The following PCDHA10 variants were observed in gnomAD, a reference collection of about 807,000 sequenced individuals.
PCDHA10 encodes protocadherin alpha 10, also known as protocadherin alpha-10.
In PCDHA10, 45 loss-of-function variants were observed where a neutral mutation model predicts 61.2. The observed-to-expected ratio is 0.74, with a 90% confidence interval of 0.58 to 0.94. PCDHA10 has a LOEUF of 0.94. Ranked by LOEUF, PCDHA10 falls within the 40% of genes least tolerant of loss-of-function variation. The probability of loss-of-function intolerance (pLI) is 0.00; values close to 1 mark genes in which losing one functional copy is unlikely to be tolerated. For missense variants in PCDHA10, 1,278 were observed against 1,236.2 expected, an observed-to-expected ratio of 1.03 and a Z score of -0.51; for synonymous variants, 602 against 548.8, an observed-to-expected ratio of 1.10 and a Z score of -1.35.
intron 1 of PCDHA10, among the ~76,000 whole-genome samples, chr5:140,909,754 G>T (rs2074670000): frequency 6.6e-6 from 1 of 152,100 alleles, no homozygotes; most frequent in Non-Finnish European, 1.5e-5. Context: ...AATGACCACA[G>T]GATGAGTCCA....
chr5:140,910,858 T>C (rs947258615), intron 1 of PCDHA10, among the ~76,000 whole-genome samples: 3 of 152,190 alleles, frequency 2.0e-5, no homozygotes, highest in Non-Finnish European at 4.4e-5. Context: ...CTATGTTCCA[T>C]CCACCATTAT....
chr5:140,967,173 T>C, intron 1 of PCDHA10: 1 of 1,611,178 alleles, frequency 6.2e-7, no homozygotes, highest in Non-Finnish European at 8.5e-7. Context: ...GCCGTTGAGG[T>C]GGAAATATTG....
At chr5:140,895,103 T>C (rs1459301220) in intron 1 of PCDHA10, among the ~76,000 whole-genome samples, 3 of 152,204 alleles carry the variant, frequency 2.0e-5, no homozygotes, top group Non-Finnish European at 4.4e-5. Flanking sequence ...GGGTTTTTGC[T>C]ACAAGAAGAC....
At chr5:140,919,518 T>C (rs1027780107) in intron 1 of PCDHA10, among the ~76,000 whole-genome samples, 1 of 152,194 alleles carries the variant, frequency 6.6e-6, no homozygotes. Context: ...TATGTTTTAA[T>C]TCTCTTTTTT....
At position 140,857,365 on chromosome 5, in the gene PCDHA10, C is replaced by A. The variant is rs251362; in HGVS notation, c.1317C>A (p.Ser439Arg). The A allele has an allele frequency of 6.3e-7, 1 of 1,597,496 alleles. No homozygotes were observed. Among genetic ancestry groups the A allele is most frequent in the South Asian group, 1.1e-5 (1 of 90,502 alleles). The change falls in exon 1 of 4, where the codon AGC becomes AGA. Residue 439 changes from serine (S) to arginine (R), a missense_variant. Ser to Arg is a moderately radical substitution (Grantham distance 110). Transcript: ENST00000307360. ...CGCCTCCGCTGTGGGCCACGGCCAG[C>A]GTGTCTGTGGAGGTGGCCGACGTGA... ...GGSPPLWATA[S>R]VSVEVADVND...
intron 1 of PCDHA10, chr5:140,882,203 TGA>T: frequency 6.5e-7 from 1 of 1,530,090 alleles, no homozygotes; most frequent in Non-Finnish European, 8.8e-7. Flanking sequence ...AATTGGGCCT[TGA>T]GAGACAGTTT....
intron 1 of PCDHA10, among the ~76,000 whole-genome samples, chr5:140,918,702 G>A (rs2078814490): frequency 6.6e-6 from 1 of 152,150 alleles, no homozygotes; most frequent in Non-Finnish European, 1.5e-5. Flanking sequence ...ATTAAGTCAT[G>A]AGGGCAGAGC....
chr5:140,927,894 C>T (rs372774238), intron 1 of PCDHA10: 2 of 1,614,208 alleles, frequency 1.2e-6, no homozygotes, highest in South Asian at 2.2e-5. Context: ...CTGACGTGAA[C>T]GATCATGCCC....
intron 3 of PCDHA10, among the ~76,000 whole-genome samples, chr5:141,004,852 GA>G (rs1474938614): frequency 6.6e-6 from 1 of 152,202 alleles, no homozygotes; most frequent in African/African-American, 2.4e-5. Flanking sequence ...TAGTCTCAGA[GA>G]AAAAATTTGT....
intron 1 of PCDHA10, among the ~76,000 whole-genome samples, chr5:140,958,932 C>T (rs2095452700): frequency 8.5e-6 from 1 of 118,160 alleles, no homozygotes; most frequent in South Asian, 2.5e-4. Flanking sequence ...GTGGCTCATA[C>T]TTGTAATAAT....
At chr5:140,926,255 G>T (rs562420240) in intron 1 of PCDHA10, 1 of 152,224 alleles carries the variant, frequency 6.6e-6, no homozygotes, top group African/African-American at 2.4e-5. Flanking sequence ...TCACCGTCCC[G>T]CCTCTCGCCG....
intron 1 of PCDHA10, chr5:140,871,198 C>A: frequency 6.2e-7 from 1 of 1,613,730 alleles, no homozygotes; most frequent in Non-Finnish European, 8.5e-7. Flanking sequence ...CAACGTGTAC[C>A]TGATCATCGC....
rs560557725 is a variant in PCDHA10, at chr5:141,005,418, G to T, written c.2537-4209G>T. Among the ~76,000 whole-genome samples, 149 of 152,250 alleles carry T rather than the reference G, an allele frequency of 9.8e-4. 1 individual carries two copies. The highest frequency in any genetic ancestry group is 3.5e-3 in the African/African-American group (145 of 41,544). On this transcript the variant is annotated intron_variant, in intron 3 of 3. Transcript: ENST00000307360. ...ACAGACTTGAAGAGTGAGGAGTCAT[G>T]CTAAGAATGGATGAGAGGCTCACGC...
intron 3 of PCDHA10, among the ~76,000 whole-genome samples, chr5:140,992,192 C>T (rs2097497943): frequency 6.6e-6 from 1 of 152,124 alleles, no homozygotes; most frequent in Admixed American, 6.5e-5. Flanking sequence ...TTTCAGTGAT[C>T]TATCCAATCA....
In PCDHA10 at chr5:140,946,611, A is replaced by AATATATATATATAT. The variant is rs1554217734; in HGVS notation, c.2389-32330_2389-32317dup. Among the ~76,000 whole-genome samples the AATATATATATATAT allele has an allele frequency of 6.8e-3, 593 of 86,748 alleles. 22 individuals are homozygous for AATATATATATATAT. Among genetic ancestry groups the AATATATATATATAT allele is most frequent in the African/African-American group, 0.021 (323 of 15,664 alleles). The allele number at this position is 86,748 out of a possible 152,430, so 56.9% of individuals were successfully genotyped here. A position where few individuals can be genotyped will look rare whatever the true frequency, so the allele number is the denominator to read the frequency against. On this transcript the variant is annotated intron_variant, in intron 1 of 3. Coordinates refer to ENST00000307360, the MANE Select transcript of PCDHA10 (RefSeq NM_018901.4). ...GGATGAATAGATAAAGAAAATGTGA[A>AATATATATATATAT]ATATATATATATATATATATACAAT... is the stretch of plus-strand genomic sequence containing the variant.
At chr5:140,987,007 A>T (rs2097221901) in intron 3 of PCDHA10, among the ~76,000 whole-genome samples, 1 of 152,144 alleles carries the variant, frequency 6.6e-6, no homozygotes, top group Non-Finnish European at 1.5e-5. Context: ...TGAGGTCATG[A>T]GTTCGAGACC....
chr5:140,877,432 C>A (rs782574302), intron 1 of PCDHA10: 1 of 1,613,874 alleles, frequency 6.2e-7, no homozygotes, highest in Non-Finnish European at 8.5e-7. Flanking sequence ...GGTGAAGGAC[C>A]ACGGTGAGCC....
At chr5:140,882,318 G>T (rs534213144) in intron 1 of PCDHA10, 1 of 1,614,128 alleles carries the variant, frequency 6.2e-7, no homozygotes, top group African/African-American at 1.3e-5. Flanking sequence ...CTACTGCTCT[G>T]GCTTCTGATC....
At chr5:141,007,015 A>G (rs1342063703) in intron 3 of PCDHA10, among the ~76,000 whole-genome samples, 1 of 152,210 alleles carries the variant, frequency 6.6e-6, no homozygotes, top group Non-Finnish European at 1.5e-5. Flanking sequence ...TCATCAGCTT[A>G]TTCATATGGT....
Sources: gnomAD v4.1 joint callset for allele counts (sites outside exome capture counted in the v4.1 genomes callset) on GRCh38, gnomAD v4.1.1 for gene constraint, MANE v1.5 for transcripts, NCBI Gene and HGNC (gene_info 2026-07-23, HGNC 2026-07-21) for gene names.